PPP6R3: variants seen among roughly 807,000 people sequenced by gnomAD.
The protein encoded by PPP6R3 is serine/threonine-protein phosphatase 6 regulatory subunit 3.
A neutral mutation model predicts 110.7 loss-of-function variants in PPP6R3; 38 were observed. That is an observed-to-expected ratio of 0.34 (90% CI 0.26 to 0.45). PPP6R3 has a LOEUF of 0.45. PPP6R3 is among the 20% of genes least tolerant of loss of function. The pLI is 1.00. For missense variants in PPP6R3, 870 were observed against 1,062.4 expected (o/e 0.82, Z 2.52); for synonymous variants, 369 against 373.5 (o/e 0.99, Z 0.14).
At chr11:68,509,959 G>A (rs1245605191) in intron 1 of PPP6R3, among the ~76,000 whole-genome samples, 4 of 150,604 alleles carry the variant, frequency 2.7e-5, no homozygotes, top group East Asian at 1.9e-4. Flanking sequence ...CACCTTCTTG[G>A]CCAGGCTGGT....
At chr11:68,562,594 C>T (rs1289682828) in intron 8 of PPP6R3, among the ~76,000 whole-genome samples, 1 of 152,158 alleles carries the variant, frequency 6.6e-6, no homozygotes, top group Non-Finnish European at 1.5e-5. Flanking sequence ...AGAGCAGAGT[C>T]CAGAAGTAGA....
At chr11:68,560,607 T>C (rs549148190) in intron 8 of PPP6R3, among the ~76,000 whole-genome samples, 21 of 152,214 alleles carry the variant, frequency 1.4e-4, no homozygotes, top group Non-Finnish European at 2.4e-4. Flanking sequence ...ATAGGCTCAA[T>C]TGGTGAAGTC....
chr11:68,477,741 A>ATATATATCTATATATATAT (rs1555021448), intron 1 of PPP6R3, among the ~76,000 whole-genome samples: 1 of 57,894 alleles, frequency 1.7e-5, no homozygotes, highest in Non-Finnish European at 3.3e-5. Context: ...AAAAAAAAAA[A>ATATATATCTATATATATAT]ATATATATAT....
At chr11:68,529,918 A>G (rs2099227447) in intron 2 of PPP6R3, among the ~76,000 whole-genome samples, 1 of 152,182 alleles carries the variant, frequency 6.6e-6, no homozygotes, top group Non-Finnish European at 1.5e-5. Flanking sequence ...CTGAATCATA[A>G]TGTCATTAGA....
chr11:68,541,925 C>T (rs2099317709), intron 3 of PPP6R3, among the ~76,000 whole-genome samples: 1 of 151,972 alleles, frequency 6.6e-6, no homozygotes, highest in African/African-American at 2.4e-5. Flanking sequence ...TTTGGAGGGG[C>T]CCAGGTGAAA....
intron 1 of PPP6R3, among the ~76,000 whole-genome samples, chr11:68,496,495 G>C (rs1349101168): frequency 6.6e-6 from 1 of 151,210 alleles, no homozygotes; most frequent in Non-Finnish European, 1.5e-5. Context: ...TTTTTTTGGA[G>C]ACAGTCTTAC....
intron 23 of PPP6R3, among the ~76,000 whole-genome samples, chr11:68,612,208 GTC>G (rs1943832633): frequency 6.6e-6 from 1 of 152,164 alleles, no homozygotes; most frequent in South Asian, 2.1e-4. Flanking sequence ...CGATTCCTAT[GTC>G]TCTCATACAC....
chr11:68,481,676 CCTAA>C (rs1273668656), intron 1 of PPP6R3, among the ~76,000 whole-genome samples: 20 of 152,156 alleles, frequency 1.3e-4, no homozygotes, highest in African/African-American at 4.8e-4. Flanking sequence ...TATTGTCAGG[CCTAA>C]CTAACATTTT....
chr11:68,497,270 G>C (rs1323279365), intron 1 of PPP6R3, among the ~76,000 whole-genome samples: 1 of 148,986 alleles, frequency 6.7e-6, no homozygotes, highest in Non-Finnish European at 1.5e-5. Context: ...TAGCCAGGAT[G>C]GTCTCGATCT....
intron 12 of PPP6R3, 27 bp downstream of exon 12, chr11:68,571,131 A>G (rs1255621578): frequency 6.3e-7 from 1 of 1,589,736 alleles, no homozygotes; most frequent in Non-Finnish European, 8.5e-7. Context: ...TTTGAAAGGA[A>G]TTCAGTTTGG....
chr11:68,468,911 A>G (rs1047680257), intron 1 of PPP6R3, among the ~76,000 whole-genome samples: 1 of 152,192 alleles, frequency 6.6e-6, no homozygotes, highest in Non-Finnish European at 1.5e-5. Flanking sequence ...TTTGCTGTGG[A>G]GTCTCACATT....
At chr11:68,470,718 T>C (rs1470706733) in intron 1 of PPP6R3, among the ~76,000 whole-genome samples, 2 of 152,136 alleles carry the variant, frequency 1.3e-5, no homozygotes, top group East Asian at 3.9e-4. Flanking sequence ...GGCTGCTGGA[T>C]CCTTCTTGAA....
chr11:68,553,577 G>A (rs2099389090), intron 6 of PPP6R3, among the ~76,000 whole-genome samples: 1 of 152,120 alleles, frequency 6.6e-6, no homozygotes. Flanking sequence ...ACAGGTGTGA[G>A]CCACTGCACC....
At chr11:68,601,493 C>G (rs1253420201) in intron 20 of PPP6R3, among the ~76,000 whole-genome samples, 2 of 152,216 alleles carry the variant, frequency 1.3e-5, no homozygotes, top group African/African-American at 4.8e-5. Context: ...TTTTGTAAAA[C>G]CAGTCAACCT....
intron 1 of PPP6R3, among the ~76,000 whole-genome samples, chr11:68,509,922 T>G (rs1286807667): frequency 6.6e-6 from 1 of 151,530 alleles, no homozygotes; most frequent in African/African-American, 2.4e-5. Context: ...GCAAATTTTT[T>G]TTTTTTTTTA....
rs764147282 is a variant in PPP6R3 at position 68,489,548 on chromosome 11, GTGTT to G, written c.-158+28725_-158+28728del. On this transcript the variant is annotated intron_variant, in intron 1 of 23. Transcript: ENST00000393800. ...CTTTCTTTCACTTTGCAGATACTGT[GTGTT>G]TGTGTGTGTGTGTGTGTGTGTGTGT... 8.6e-3 allele frequency among the ~76,000 whole-genome samples: 1,245 copies of G among 143,944 alleles called. 6 individuals carry two copies. Among genetic ancestry groups the G allele is most frequent in the South Asian group, 0.018 (83 of 4,532 alleles). 94.4% of individuals were successfully genotyped at this position (143,944 alleles called of 152,430 possible). A position where few individuals can be genotyped will look rare whatever the true frequency, so the allele number is the denominator to read the frequency against.
chr11:68,464,209 T>C (rs1251003629), intron 1 of PPP6R3, among the ~76,000 whole-genome samples: 1 of 152,204 alleles, frequency 6.6e-6, no homozygotes, highest in Non-Finnish European at 1.5e-5. Flanking sequence ...CTCGGCTCAC[T>C]GCAACCTCTG....
intron 4 of PPP6R3, among the ~76,000 whole-genome samples, chr11:68,547,011 G>T (rs2099351848): frequency 6.6e-6 from 1 of 152,184 alleles, no homozygotes; most frequent in East Asian, 1.9e-4. Context: ...TGACCTCATT[G>T]TCTAGAGAAG....
intron 22 of PPP6R3, 83 bp downstream of exon 22, chr11:68,603,575 A>G: frequency 4.6e-6 from 7 of 1,515,862 alleles, no homozygotes; most frequent in Non-Finnish European, 6.3e-6. Flanking sequence ...AAAATTTTTA[A>G]TTTGATTCAA....
Sources: gnomAD v4.1 joint callset for allele counts (sites outside exome capture counted in the v4.1 genomes callset) on GRCh38, gnomAD v4.1.1 for gene constraint, MANE v1.5 for transcripts, NCBI Gene and HGNC (gene_info 2026-07-23, HGNC 2026-07-21) for gene names.